The following NVL variants were observed in gnomAD, a reference collection of about 807,000 sequenced individuals.
NVL encodes the protein nuclear VCP like, also known as nuclear valosin-containing protein-like.
NVL carries 84 observed loss-of-function variants against 110.2 expected under a neutral mutation model. The observed-to-expected ratio is 0.76, with a 90% CI of 0.64 to 0.91. The LOEUF (loss-of-function observed/expected upper bound fraction) is 0.91. Ranked by LOEUF, NVL falls within the 40% of genes least tolerant of loss-of-function variation. The pLI, the probability that NVL is intolerant of heterozygous loss-of-function variation, is 0.00. For missense variants in NVL, 882 were observed against 1,035.9 expected (o/e 0.85, Z 2.04); for synonymous variants, 354 against 361.1 (o/e 0.98, Z 0.22).
intron 9 of NVL, chr1:224,302,806 T>C (rs1033541790): frequency 1.1e-5 from 2 of 184,224 alleles, no homozygotes; most frequent in Non-Finnish European, 2.3e-5. Flanking sequence ...TCCCAGCACT[T>C]TGGAAGACTG....
intron 2 of NVL, among the ~76,000 whole-genome samples, chr1:224,319,153 CAAA>C (rs770885193): frequency 4.2e-5 from 2 of 47,114 alleles, no homozygotes; most frequent in African/African-American, 1.6e-4. Flanking sequence ...GACTCCGTCT[CAAA>C]AAAAAAAAAA....
chr1:224,272,816 C>T (rs1335007760), intron 17 of NVL, among the ~76,000 whole-genome samples: 1 of 151,344 alleles, frequency 6.6e-6, no homozygotes, highest in Non-Finnish European at 1.5e-5. Flanking sequence ...GGGCGGATCG[C>T]GAGGTCAGGA....
chr1:224,322,961 A>C (rs1670804259), intron 2 of NVL, among the ~76,000 whole-genome samples: 2 of 152,182 alleles, frequency 1.3e-5, no homozygotes. Context: ...CTCCAAAAAA[A>C]AAAAGACACG....
Position 224,236,601 on chromosome 1 carries a change from T to C in NVL, c.2290-19A>G. 6.3e-7 allele frequency: 1 copy of C among 1,597,886 alleles called. No individual in the cohort carries two copies. Among genetic ancestry groups the C allele is most frequent in the Non-Finnish European group, 8.6e-7 (1 of 1,165,430 alleles). On this transcript the variant is annotated intron_variant, in intron 19 of 22. Transcript: ENST00000281701. ...TACCATTCTAAGTAAGAGAGAAAAA[T>C]GATTTTTCATTGGAGCTTTAAAGAC... is the stretch of plus-strand genomic sequence containing the variant.
At chr1:224,311,887 A>G in intron 4 of NVL, 30 bp from the exon 5 acceptor site, 1 of 1,546,574 alleles carries the variant, frequency 6.5e-7, no homozygotes, top group Non-Finnish European at 8.9e-7. Flanking sequence ...AATGTTTTAA[A>G]GACTTTCTCT....
intron 2 of NVL, among the ~76,000 whole-genome samples, chr1:224,325,455 TG>T (rs1671057053): frequency 6.8e-6 from 1 of 147,360 alleles, no homozygotes. Flanking sequence ...AAAAAGAGGC[TG>T]GGCGCTGTGG....
intron 12 of NVL, among the ~76,000 whole-genome samples, chr1:224,290,979 A>G (rs528054250): frequency 6.6e-6 from 1 of 152,194 alleles, no homozygotes; most frequent in Admixed American, 6.6e-5. Flanking sequence ...GAATAATTTA[A>G]AAAAAAGATA....
chr1:224,306,609 A>G (rs2102711795), intron 6 of NVL, among the ~76,000 whole-genome samples: 1 of 152,292 alleles, frequency 6.6e-6, no homozygotes, highest in East Asian at 1.9e-4. Flanking sequence ...AGGTGGGTGG[A>G]TCACTTGAGC....
In NVL at chr1:224,289,746, C is replaced by T; in HGVS notation, c.1326-13G>A. The T allele has an allele frequency of 1.3e-6, 2 of 1,590,132 alleles. No individual in the cohort carries two copies. The highest frequency in any genetic ancestry group is 1.7e-6 in the Non-Finnish European group (2 of 1,166,776). On this transcript the variant is annotated splice_polypyrimidine_tract_variant and intron_variant, in intron 12 of 22. Transcript: ENST00000281701. ...TGTTTGAAGTATTCTGTAGAAAAGA[C>T]AGGGGAAAAAATTTCTGATTCCTGA... is the stretch of plus-strand genomic sequence containing the variant.
At chr1:224,238,971 C>T (rs1346211046) in intron 19 of NVL, among the ~76,000 whole-genome samples, 1 of 152,180 alleles carries the variant, frequency 6.6e-6, no homozygotes, top group African/African-American at 2.4e-5. Flanking sequence ...CCATTAAACA[C>T]TAACTCCCCA....
At chr1:224,233,026 A>G (rs192997474) in intron 21 of NVL, 175 bp downstream of exon 21, 137 of 526,264 alleles carry the variant, frequency 2.6e-4, no homozygotes, top group Non-Finnish European at 4.0e-4. Context: ...TGCTATTATT[A>G]TAATTGTCAG....
rs191458696 is a variant in NVL at position 224,228,230 on chromosome 1, T to A, written c.2527-560A>T. ...CTAAAAAATCAGGTCAAGAGTCTTA[T>A]GTCTATCTAATTAGTGAAGAAAGCA... is the stretch of plus-strand genomic sequence containing the variant. On this transcript the variant is annotated intron_variant, in intron 22 of 22. Coordinates refer to ENST00000281701, the MANE Select transcript of NVL (RefSeq NM_002533.4). 4.2e-3 allele frequency among the ~76,000 whole-genome samples: 641 copies of A among 152,278 alleles called. 10 individuals carry two copies. Among genetic ancestry groups the A allele is most frequent in the Non-Finnish European group, 4.3e-3 (292 of 68,032 alleles).
chr1:224,316,997 G>A (rs1019762600), intron 4 of NVL, among the ~76,000 whole-genome samples: 1 of 151,800 alleles, frequency 6.6e-6, no homozygotes, highest in African/African-American at 2.4e-5. Context: ...AAATTAGCCG[G>A]GTGTGGTGGC....
chr1:224,325,464 T>C (rs1179240122), intron 2 of NVL, among the ~76,000 whole-genome samples: 1 of 148,570 alleles, frequency 6.7e-6, no homozygotes, highest in Non-Finnish European at 1.5e-5. Flanking sequence ...CTGGGCGCTG[T>C]GGCTCACGTC....
Position 224,303,845 on chromosome 1 carries a change from T to A in NVL, c.838A>T (p.Met280Leu). The A allele has an allele frequency of 1.2e-6, 2 of 1,612,322 alleles. No individual in the cohort carries two copies. Among genetic ancestry groups the A allele is most frequent in the Admixed American group, 1.7e-5 (1 of 59,710 alleles). Residue 280 changes from methionine to leucine, a missense_variant, in exon 9 of 23, where the codon ATG (methionine) becomes TTG (leucine). Transcript: ENST00000281701. ...NDMTLKEVCK[M>L]LIHMRHPEVY... ...TCCGGGTGACGCATGTGTATGAGCA[T>A]CTTGCAGACCTCCTAGCAGAGGATA...
Position 224,305,374 on chromosome 1 carries a change from C to T in NVL, c.616-208G>A, listed in dbSNP as rs371383501. 509 of 514,006 alleles carry T rather than the reference C, an allele frequency of 9.9e-4. 2 individuals carry two copies. The highest frequency in any genetic ancestry group is 6.1e-3 in the African/African-American group (318 of 52,066). 31.8% of individuals were successfully genotyped at this position (514,006 alleles called of 1,614,324 possible). A position where few individuals can be genotyped will look rare whatever the true frequency, so the allele number is the denominator to read the frequency against. ...CCTTAAAGCTCAGTTTAAATCTTAA[C>T]ATTTGGTGCTGGCCTTGGCAGCACA... is the stretch of plus-strand genomic sequence containing the variant. On this transcript the variant is annotated intron_variant, in intron 6 of 22. Coordinates refer to ENST00000281701, the MANE Select transcript of NVL (RefSeq NM_002533.4).
At chr1:224,304,887 A>T in intron 7 of NVL, 75 bp from the exon 8 acceptor site, 1 of 1,493,082 alleles carries the variant, frequency 6.7e-7, no homozygotes, top group African/African-American at 1.4e-5. Context: ...ATAGTCTTTA[A>T]GTAAACAAAG....
At chr1:224,237,961 C>CAA (rs200152434) in intron 19 of NVL, among the ~76,000 whole-genome samples, 223 of 135,672 alleles carry the variant, frequency 1.6e-3, no homozygotes, top group African/African-American at 6.3e-3. Context: ...GACTTGGTTT[C>CAA]AAAAAAAAAA....
At chr1:224,306,963 G>T (rs1283198841) in intron 6 of NVL, among the ~76,000 whole-genome samples, 1 of 151,624 alleles carries the variant, frequency 6.6e-6, no homozygotes, top group African/African-American at 2.4e-5. Flanking sequence ...ATAAAAAGGG[G>T]AAAGGTTCTG....
Sources: allele counts gnomAD v4.1 joint callset (sites outside exome capture counted in the v4.1 genomes callset), GRCh38; gene constraint gnomAD v4.1.1; transcripts MANE v1.5; gene names NCBI Gene and HGNC (gene_info 2026-07-23, HGNC 2026-07-21).